Variants in PTPN3 observed in about 807,000 individuals in gnomAD.
PTPN3 encodes the protein protein tyrosine phosphatase non-receptor type 3.
In PTPN3, 96 loss-of-function variants were observed where a neutral mutation model predicts 132.7. That is an observed-to-expected ratio of 0.72 (90% CI 0.61 to 0.86). The LOEUF is 0.86. Ranked by LOEUF, PTPN3 falls within the 40% of genes least tolerant of loss-of-function variation. The pLI, the probability that PTPN3 is intolerant of heterozygous loss-of-function variation, is 0.00. For synonymous variants in PTPN3, 398 were observed against 429.0 expected (o/e 0.93, Z 0.89); for missense variants, 1,125 against 1,159.6 (o/e 0.97, Z 0.43).
chr9:109,523,179 C>A, the PTPN3 span, among the ~76,000 whole-genome samples: 2 of 149,896 alleles, frequency 1.3e-5, no homozygotes, highest in African/African-American at 4.9e-5. Flanking sequence ...TGCAGTGGTG[C>A]GATCTTGGCT....
At chr9:109,449,229 G>A (rs1207991946) in intron 5 of PTPN3, 7 of 1,040,462 alleles carry the variant, frequency 6.7e-6, no homozygotes, top group South Asian at 7.8e-5. Flanking sequence ...CTGCACAAGC[G>A]GCGCCCACAC....
rs1274071509 is a variant in PTPN3, at chr9:109,383,534, G to A, written c.2271C>T (p.Tyr757=). ...TCATGACGTCGGGGGGATCTGGCCAGTACTGGTGACATTTGGTCTGTAAGA... is the reference window on the plus strand; with the variant it reads ...TCATGACGTCGGGGGGATCTGGCCAATACTGGTGACATTTGGTCTGTAAGA... The part of the protein sequence containing the change: ...TERGRTKCHQ[Y]WPDPPDVMNH... The change falls in exon 23 of 26, where the codon TAC becomes TAT. Residue 757 remains tyrosine (Y), a synonymous_variant. Transcript: ENST00000374541. The A allele has an allele frequency of 1.2e-6, 2 of 1,614,012 alleles. No individual in the cohort carries two copies. The highest frequency in any genetic ancestry group is 1.7e-6 in the Non-Finnish European group (2 of 1,180,040).
intron 1 of PTPN3, among the ~76,000 whole-genome samples, chr9:109,493,484 T>C (rs1847548069): frequency 6.6e-6 from 1 of 152,216 alleles, no homozygotes; most frequent in East Asian, 1.9e-4. Context: ...TAAAAGCTTG[T>C]GTATCCTAAC....
At chr9:109,501,702 A>G (rs1410354932), upstream of PTPN3, among the ~76,000 whole-genome samples, 1 of 152,182 alleles carries the variant, frequency 6.6e-6, no homozygotes, top group Admixed American at 6.5e-5. Flanking sequence ...TGTAGAGCAA[A>G]TTAAAGCCCA....
chr9:109,386,548 G>C (rs147877970), intron 22 of PTPN3, among the ~76,000 whole-genome samples: 6 of 152,260 alleles, frequency 3.9e-5, no homozygotes, highest in African/African-American at 1.4e-4. Flanking sequence ...AGGAGGAGGA[G>C]GTAATGTCCT....
chr9:109,534,229 G>C, the PTPN3 span: 1 of 1,436,268 alleles, frequency 7.0e-7, no homozygotes, highest in Non-Finnish European at 9.6e-7. Context: ...ACCGTTTCCT[G>C]TGCCGCTGCC....
Position 109,383,477 on chromosome 9 carries a change from T to C in PTPN3, c.2328A>G (p.Ser776=), listed in dbSNP as rs763433836. Reference sequence around the variant, plus strand: ...ACACATAGGCGATGGTGCAGTCCTCTGACTGACACTGGATGTGAAAGCCGC... The same window carrying C: ...ACACATAGGCGATGGTGCAGTCCTCCGACTGACACTGGATGTGAAAGCCGC... The part of the protein sequence containing the change: ...NHGGFHIQCQ[S]EDCTIAYVSR... The change falls in exon 23 of 26, where the codon TCA becomes TCG. Residue 776 remains serine, a synonymous_variant. Coordinates refer to ENST00000374541, the MANE Select transcript of PTPN3 (RefSeq NM_002829.4). 4.3e-6 allele frequency: 7 copies of C among 1,614,068 alleles called. No homozygotes were observed. The Admixed American group carries it at 1.2e-4, about 27-fold the overall frequency.
intron 10 of PTPN3, among the ~76,000 whole-genome samples, chr9:109,432,233 T>A (rs887886205): frequency 6.6e-6 from 1 of 152,018 alleles, no homozygotes; most frequent in Non-Finnish European, 1.5e-5. Context: ...GCTCCCAAGT[T>A]GGGGAGCAGA....
chr9:109,403,945 C>T (rs745497412), intron 19 of PTPN3, among the ~76,000 whole-genome samples: 6 of 152,112 alleles, frequency 3.9e-5, no homozygotes, highest in East Asian at 3.9e-4. Flanking sequence ...CTTGGGAGGG[C>T]GAGACACTAT....
intron 12 of PTPN3, among the ~76,000 whole-genome samples, chr9:109,424,539 G>A (rs771707701): frequency 3.3e-5 from 5 of 152,236 alleles, no homozygotes; most frequent in African/African-American, 9.6e-5. Context: ...AAGGCTGAAC[G>A]GTTCTGCCTT....
intron 7 of PTPN3, among the ~76,000 whole-genome samples, chr9:109,440,024 G>T (rs1844339944): frequency 6.6e-6 from 1 of 152,212 alleles, no homozygotes; most frequent in South Asian, 2.1e-4. Context: ...ATAACGAAGG[G>T]ATCTGTTTCC....
the PTPN3 span, among the ~76,000 whole-genome samples, chr9:109,511,976 TG>T: frequency 2.2e-4 from 33 of 152,300 alleles, no homozygotes; most frequent in South Asian, 1.7e-3. Context: ...TGTAAATAAA[TG>T]AACAAATGGA....
At chr9:109,521,561 C>T in the PTPN3 span, among the ~76,000 whole-genome samples, 1 of 152,208 alleles carries the variant, frequency 6.6e-6, no homozygotes, top group Non-Finnish European at 1.5e-5. Flanking sequence ...ACCTCTCATC[C>T]TTGGGGTGTC....
intron 19 of PTPN3, among the ~76,000 whole-genome samples, chr9:109,392,141 G>C (rs1211358729): frequency 1.3e-5 from 2 of 152,116 alleles, no homozygotes; most frequent in African/African-American, 2.4e-5. Context: ...TCATGTATTA[G>C]ACATATTTGT....
intron 18 of PTPN3, 141 bp downstream of exon 18, chr9:109,406,321 C>T (rs1841559859): frequency 8.6e-7 from 1 of 1,159,026 alleles, no homozygotes; most frequent in Admixed American, 2.4e-5. Context: ...AGAAGCCAAA[C>T]ATTCGGTTAT....
intron 1 of PTPN3, among the ~76,000 whole-genome samples, chr9:109,477,309 G>A (rs1846724220): frequency 6.6e-6 from 1 of 152,098 alleles, no homozygotes; most frequent in South Asian, 2.1e-4. Flanking sequence ...CTCTTACAAG[G>A]GAAATGGCCC....
chr9:109,537,647 C>T, the PTPN3 span, among the ~76,000 whole-genome samples: 4 of 152,346 alleles, frequency 2.6e-5, no homozygotes, highest in Admixed American at 2.6e-4. Flanking sequence ...GCTGAGTCCT[C>T]CAGATCACTT....
intron 14 of PTPN3, among the ~76,000 whole-genome samples, chr9:109,414,313 G>A (rs1469322119): frequency 6.6e-6 from 1 of 152,230 alleles, no homozygotes; most frequent in Non-Finnish European, 1.5e-5. Flanking sequence ...TGCAGAGTAT[G>A]ATTCGGCAGG....
intron 22 of PTPN3, among the ~76,000 whole-genome samples, 177 bp downstream of exon 22, chr9:109,389,056 A>C (rs1323413464): frequency 6.6e-6 from 1 of 152,012 alleles, no homozygotes; most frequent in Non-Finnish European, 1.5e-5. Flanking sequence ...ACTGGGGAGG[A>C]GGAGGGCTGA....
Sources: allele counts gnomAD v4.1 joint callset (sites outside exome capture counted in the v4.1 genomes callset), GRCh38; gene constraint gnomAD v4.1.1; transcripts MANE v1.5; gene names NCBI Gene and HGNC (gene_info 2026-07-23, HGNC 2026-07-21).